SLC38A12: variants seen among roughly 807,000 people sequenced by gnomAD.
The protein encoded by SLC38A12 is putative sodium-coupled neutral amino acid transporter 12.
At chr17:74,790,519 A>C in the SLC38A12 span, among the ~76,000 whole-genome samples, 1 of 152,148 alleles carries the variant, frequency 6.6e-6, no homozygotes, top group African/African-American at 2.4e-5. Flanking sequence ...CAGCTTGGTA[A>C]GTTCCTTGAC....
chr17:74,820,943 A>T, the SLC38A12 span, among the ~76,000 whole-genome samples: 1 of 152,276 alleles, frequency 6.6e-6, no homozygotes, highest in South Asian at 2.1e-4. Flanking sequence ...GGATTATGAG[A>T]TGTCAGTCTA....
At chr17:74,794,897 C>T in the SLC38A12 span, 4 of 845,320 alleles carry the variant, frequency 4.7e-6, no homozygotes, top group South Asian at 6.6e-5. Flanking sequence ...GTAAACAGCT[C>T]AGAGAACTGA....
the SLC38A12 span, among the ~76,000 whole-genome samples, chr17:74,824,215 T>C: frequency 1.8e-3 from 280 of 152,308 alleles, 2 homozygotes; most frequent in African/African-American, 6.4e-3. Context: ...AGGAGGCCTC[T>C]CTGCTCCGCC....
chr17:74,838,210 T>C, the SLC38A12 span: 1 of 985,566 alleles, frequency 1.0e-6, no homozygotes, highest in South Asian at 4.7e-5. Context: ...CGCACCTCAG[T>C]GTTTCTCATA....
At chr17:74,832,611 G>A in the SLC38A12 span, among the ~76,000 whole-genome samples, 4 of 152,372 alleles carry the variant, frequency 2.6e-5, no homozygotes, top group South Asian at 8.3e-4. Context: ...CACCTCTGCT[G>A]GGTGCACACT....
chr17:74,799,754 G>A, the SLC38A12 span, among the ~76,000 whole-genome samples: 1 of 152,176 alleles, frequency 6.6e-6, no homozygotes, highest in Non-Finnish European at 1.5e-5. Context: ...CTCTCACATG[G>A]CAACACTGGC....
chr17:74,791,730 C>T, the SLC38A12 span, among the ~76,000 whole-genome samples: 1 of 152,244 alleles, frequency 6.6e-6, no homozygotes, highest in Non-Finnish European at 1.5e-5. Context: ...TGAACCTGCT[C>T]CTTCCTGGGA....
the SLC38A12 span, among the ~76,000 whole-genome samples, chr17:74,788,137 T>C: frequency 6.6e-6 from 1 of 152,212 alleles, no homozygotes; most frequent in Admixed American, 6.5e-5. Flanking sequence ...TTTTCCAATC[T>C]AGTCTGACTT....
At chr17:74,820,591 C>A in the SLC38A12 span, among the ~76,000 whole-genome samples, 1 of 152,232 alleles carries the variant, frequency 6.6e-6, no homozygotes, top group Non-Finnish European at 1.5e-5. Flanking sequence ...CTGTTGGACC[C>A]CTCTTCTGCT....
chr17:74,827,252 A>T, the SLC38A12 span, among the ~76,000 whole-genome samples: 3 of 151,082 alleles, frequency 2.0e-5, no homozygotes, highest in East Asian at 3.9e-4. This position sits in a 1 kb window ranked among gnomAD's most constrained non-coding sequence, Gnocchi z 4.7. Flanking sequence ...CCAGCACGGC[A>T]CTGCCCTGTC....
the SLC38A12 span, among the ~76,000 whole-genome samples, chr17:74,830,988 G>A: frequency 2.0e-5 from 3 of 152,184 alleles, no homozygotes; most frequent in East Asian, 1.9e-4. Context: ...GGGTGTCCTC[G>A]GGGGCCCCCC....
chr17:74,781,459 A>AT, the SLC38A12 span, among the ~76,000 whole-genome samples: 1 of 151,732 alleles, frequency 6.6e-6, no homozygotes, highest in African/African-American at 2.4e-5. Flanking sequence ...TAATATTTTT[A>AT]TTTTTTTGTA....
chr17:74,812,781 G>C, the SLC38A12 span, among the ~76,000 whole-genome samples: 1 of 152,112 alleles, frequency 6.6e-6, no homozygotes, highest in Non-Finnish European at 1.5e-5. Context: ...TGCTGTACGA[G>C]AAGTGCCTCT....
the SLC38A12 span, among the ~76,000 whole-genome samples, chr17:74,832,345 G>A: frequency 6.6e-6 from 1 of 152,184 alleles, no homozygotes; most frequent in African/African-American, 2.4e-5. Flanking sequence ...CCAGGGGACA[G>A]ATCCCAGCAC....
chr17:74,814,744 G>A, the SLC38A12 span, among the ~76,000 whole-genome samples: 2 of 152,148 alleles, frequency 1.3e-5, no homozygotes, highest in Admixed American at 1.3e-4. Context: ...ACCAAATGCA[G>A]TGCATCCTAC....
At chr17:74,777,264 G>A in the SLC38A12 span, 19 of 1,590,818 alleles carry the variant, frequency 1.2e-5, no homozygotes, top group Non-Finnish European at 1.6e-5. Flanking sequence ...TTGTTTTAAG[G>A]AGCTGCGGCA....
At chr17:74,793,341 C>T in the SLC38A12 span, among the ~76,000 whole-genome samples, 1 of 152,190 alleles carries the variant, frequency 6.6e-6, no homozygotes, top group Non-Finnish European at 1.5e-5. Flanking sequence ...GACATTGTCA[C>T]ATGTTCCCAG....
the SLC38A12 span, chr17:74,836,916 T>TG: frequency 7.4e-7 from 1 of 1,357,140 alleles, no homozygotes; most frequent in South Asian, 2.0e-5. The surrounding 1 kb of genome is among the most constrained non-coding windows in gnomAD (Gnocchi z 4.2). Context: ...TCTGCCTGGG[T>TG]GACGCGTGGC....
At chr17:74,836,587 C>A in the SLC38A12 span, 1 of 1,613,310 alleles carries the variant, frequency 6.2e-7, no homozygotes, top group Non-Finnish European at 8.5e-7. This position sits in a 1 kb window ranked among gnomAD's most constrained non-coding sequence, Gnocchi z 4.2. Flanking sequence ...CACAGGTCCC[C>A]TTTCCGCCAC....
Sources: allele counts gnomAD v4.1 joint callset (sites outside exome capture counted in the v4.1 genomes callset), GRCh38; gene constraint gnomAD v4.1.1; non-coding constraint Gnocchi (gnomAD v3.1); transcripts MANE v1.5; gene names NCBI Gene and HGNC (gene_info 2026-07-23, HGNC 2026-07-21).